Variants in IMPG2 observed in about 807,000 individuals in gnomAD.
The protein encoded by IMPG2 is interphotoreceptor matrix proteoglycan 2, also known as IPM 200.
Under a neutral mutation model 129.2 loss-of-function variants are expected in IMPG2, and 91 were observed. The observed-to-expected ratio is 0.70, with a 90% confidence interval of 0.59 to 0.84. The LOEUF (loss-of-function observed/expected upper bound fraction) is 0.84, where lower values mean the gene tolerates loss of function less well. IMPG2 is among the 40% of genes least tolerant of loss of function. The probability of loss-of-function intolerance (pLI) is 0.00; values close to 1 mark genes in which losing one functional copy is unlikely to be tolerated. For synonymous variants in IMPG2, 510 were observed against 517.7 expected (o/e 0.99, Z 0.20); for missense variants, 1,430 against 1,461.7 (o/e 0.98, Z 0.35).
At chr3:101,256,839 T>C (rs1213142000) in intron 10 of IMPG2, among the ~76,000 whole-genome samples, 2 of 152,092 alleles carry the variant, frequency 1.3e-5, no homozygotes, top group Non-Finnish European at 2.9e-5. Flanking sequence ...AAATGCAAAG[T>C]AGCAAGTGAG....
At chr3:101,250,655 A>G (rs1280488346) in intron 11 of IMPG2, among the ~76,000 whole-genome samples, 2 of 152,208 alleles carry the variant, frequency 1.3e-5, no homozygotes, top group Non-Finnish European at 2.9e-5. Flanking sequence ...GGTCTCTACA[A>G]GTATATATTC....
At chr3:101,283,456 T>C (rs1576762845) in intron 4 of IMPG2, among the ~76,000 whole-genome samples, 7 of 152,210 alleles carry the variant, frequency 4.6e-5, no homozygotes, top group Admixed American at 2.6e-4. Context: ...TAATATATCA[T>C]GTTATAGTAG....
At chr3:101,299,106 C>A (rs1707113328) in intron 3 of IMPG2, among the ~76,000 whole-genome samples, 1 of 152,072 alleles carries the variant, frequency 6.6e-6, no homozygotes, top group Non-Finnish European at 1.5e-5. Flanking sequence ...CCTTTTCATT[C>A]TTTTTTTCTA....
chr3:101,237,076 C>T (rs925404233), intron 14 of IMPG2, among the ~76,000 whole-genome samples: 2 of 152,142 alleles, frequency 1.3e-5, no homozygotes, highest in African/African-American at 4.8e-5. Context: ...TAGTTTTCCC[C>T]TCACAGTGTA....
rs1434736287 is a variant in IMPG2, at chr3:101,320,458, T to C, written c.-86A>G. ...TGAAACTTCCAATAACAAAGAGTTA[T>C]AGGAAAGACCTAACATTTAAAAGTC... On this transcript the variant is annotated 5_prime_UTR_variant, in exon 1 of 19. Coordinates refer to ENST00000193391, the MANE Select transcript of IMPG2 (RefSeq NM_016247.4). 1.2e-6 allele frequency: 1 copy of C among 808,394 alleles called. No individual in the cohort carries two copies. Among genetic ancestry groups the C allele is most frequent in the Non-Finnish European group, 2.2e-6 (1 of 464,368 alleles). The allele number at this position is 808,394 out of a possible 1,614,324, so 50.1% of individuals were successfully genotyped here.
chr3:101,318,188 T>TA (rs1559662400), intron 2 of IMPG2, among the ~76,000 whole-genome samples: 4 of 135,362 alleles, frequency 3.0e-5, no homozygotes, highest in Non-Finnish European at 6.5e-5. Flanking sequence ...ATAATAATAA[T>TA]ATAAAGTAAA....
rs1400004813 is a variant in IMPG2, at chr3:101,243,985, T to G, written c.2346A>C (p.Arg782Ser). ...CTAGGGAAGAAGTTCTTGTCCAAAC[T>G]CTCTCTGATTCTGGCAATATAGTCC... ...TLWTILPESE[R>S]VWTRTSSLEK... The change falls in exon 13 of 19, where the codon AGA becomes AGC. Residue 782 changes from arginine to serine, a missense_variant. Physicochemically the swap from Arg to Ser is moderately radical, Grantham distance 110. Coordinates refer to ENST00000193391, the MANE Select transcript of IMPG2 (RefSeq NM_016247.4). 6.2e-7 allele frequency: 1 copy of G among 1,614,050 alleles called. No individual in the cohort carries two copies. The highest frequency in any genetic ancestry group is 1.3e-5 in the African/African-American group (1 of 74,932).
intron 9 of IMPG2, among the ~76,000 whole-genome samples, chr3:101,262,114 C>T (rs1046852163): frequency 2.0e-5 from 3 of 152,096 alleles, no homozygotes; most frequent in African/African-American, 7.2e-5. Flanking sequence ...AGTGCTATCA[C>T]ATTTCATCAA....
chr3:101,317,978 C>CA (rs887698508), intron 2 of IMPG2, among the ~76,000 whole-genome samples: 28 of 150,534 alleles, frequency 1.9e-4, no homozygotes, highest in African/African-American at 2.7e-4. Context: ...AAAAACAAAA[C>CA]AAAAAAAACT....
At chr3:101,249,333 A>C (rs139997318) in intron 11 of IMPG2, among the ~76,000 whole-genome samples, 551 of 152,226 alleles carry the variant, frequency 3.6e-3, no homozygotes, top group African/African-American at 0.013. Flanking sequence ...AAATCCATTA[A>C]AGTTTAAGTC....
At chr3:101,257,437 T>C in intron 10 of IMPG2, 92 bp downstream of exon 10, 1 of 1,494,526 alleles carries the variant, frequency 6.7e-7, no homozygotes, top group Non-Finnish European at 9.2e-7. Context: ...TAGAGAATGG[T>C]CAGAACCTTA....
Position 101,319,537 on chromosome 3 carries a change from ATGTT to A in IMPG2, c.334+43_334+46del. On this transcript the variant is annotated intron_variant, in intron 2 of 18. Coordinates refer to ENST00000193391, the MANE Select transcript of IMPG2 (RefSeq NM_016247.4). ...ATGTTACCTAACAAATGATTAAACTATGTTTGAATTTCATTATGGAGCTGAAGGA... is the reference window on the plus strand; with the variant it reads ...ATGTTACCTAACAAATGATTAAACTATGAATTTCATTATGGAGCTGAAGGA... The A allele has an allele frequency of 1.9e-6, 3 of 1,606,896 alleles. 1 individual carries two copies. The African/African-American group carries it at 4.0e-5, about 21-fold the overall frequency.
chr3:101,282,110 G>A (rs1706898746), intron 4 of IMPG2, among the ~76,000 whole-genome samples: 1 of 152,128 alleles, frequency 6.6e-6, no homozygotes. Flanking sequence ...AAATAAATTT[G>A]AATAGTGGAA....
Position 101,222,955 on chromosome 3 carries a change from C to T in IMPG2, c.*4014G>A, listed in dbSNP as rs185703884. 1.8e-4 allele frequency: 27 copies of T among 152,306 alleles called. No individual in the cohort carries two copies. The highest frequency in any genetic ancestry group is 1.6e-3 in the Admixed American group (25 of 15,304). 9.4% of individuals were successfully genotyped at this position (152,306 alleles called of 1,614,324 possible). A position where few individuals can be genotyped will look rare whatever the true frequency, so the allele number is the denominator to read the frequency against. On this transcript the variant is annotated 3_prime_UTR_variant, in exon 19 of 19. Transcript: ENST00000193391. ...AACACCAGGATGAGGAATCATTTAACCTAGGCTGTAGCTATAACTGTGTGG... is the reference window on the plus strand; with the variant it reads ...AACACCAGGATGAGGAATCATTTAATCTAGGCTGTAGCTATAACTGTGTGG...
chr3:101,273,854 A>C, intron 6 of IMPG2, 112 bp from the exon 7 acceptor site: 1 of 1,047,754 alleles, frequency 9.5e-7, no homozygotes, highest in East Asian at 2.5e-5. Flanking sequence ...TTCTGAAGAT[A>C]ATCTTATTAT....
chr3:101,267,660 C>A, intron 8 of IMPG2, 129 bp from the exon 9 acceptor site: 1 of 770,356 alleles, frequency 1.3e-6, no homozygotes, highest in Non-Finnish European at 2.2e-6. Context: ...AATAAAAATG[C>A]TGACAAATTC....
chr3:101,290,204 G>A (rs1384052540), intron 4 of IMPG2, among the ~76,000 whole-genome samples: 1 of 152,046 alleles, frequency 6.6e-6, no homozygotes, highest in Non-Finnish European at 1.5e-5. Flanking sequence ...CCTCTCTGTG[G>A]TGAAGAAACC....
At chr3:101,256,629 C>T (rs1706613459) in intron 10 of IMPG2, among the ~76,000 whole-genome samples, 1 of 152,062 alleles carries the variant, frequency 6.6e-6, no homozygotes, top group Non-Finnish European at 1.5e-5. Context: ...CCTGGAAGGA[C>T]AGGACAGAGG....
intron 18 of IMPG2, chr3:101,227,756 G>T: frequency 2.2e-6 from 1 of 454,552 alleles, no homozygotes; most frequent in South Asian, 1.6e-5. Flanking sequence ...GAGATTTTTA[G>T]AGTTATCTCT....
Sources: gnomAD v4.1 joint callset for allele counts (sites outside exome capture counted in the v4.1 genomes callset) on GRCh38, gnomAD v4.1.1 for gene constraint, MANE v1.5 for transcripts, NCBI Gene and HGNC (gene_info 2026-07-23, HGNC 2026-07-21) for gene names.